PIWIL1: variants seen among roughly 807,000 people sequenced by gnomAD.
PIWIL1 encodes the protein piwi like RNA-mediated gene silencing 1, also known as piwi-like protein 1.
In PIWIL1, 73 loss-of-function variants were observed where a neutral mutation model predicts 114.4. The observed-to-expected ratio is 0.64, with a 90% CI of 0.53 to 0.78. The LOEUF (loss-of-function observed/expected upper bound fraction) is 0.78, where lower values mean the gene tolerates loss of function less well. PIWIL1 is among the 30% of genes least tolerant of loss of function. PIWIL1 has a pLI of 0.00. For missense variants in PIWIL1, 723 were observed against 1,063.1 expected (o/e 0.68, Z 4.45); for synonymous variants, 375 against 369.0 (o/e 1.02, Z -0.19).
chr12:130,346,918 G>GTT (rs755775438), intron 5 of PIWIL1, 23 bp from the exon 6 acceptor site: 7 of 1,604,470 alleles, frequency 4.4e-6, no homozygotes, highest in Non-Finnish European at 5.9e-6. Context: ...TAAAGTTTGG[G>GTT]TTTTCCACCT....
chr12:130,378,525 C>T, the PIWIL1 span, among the ~76,000 whole-genome samples: 1 of 152,174 alleles, frequency 6.6e-6, no homozygotes, highest in South Asian at 2.1e-4. Context: ...AGCATGTCTG[C>T]AACTTCATGA....
the PIWIL1 span, chr12:130,424,265 G>C: frequency 8.1e-7 from 1 of 1,231,784 alleles, no homozygotes; most frequent in Non-Finnish European, 1.0e-6. This position sits in a 1 kb window ranked among gnomAD's most constrained non-coding sequence, Gnocchi z 9.8. Flanking sequence ...GCTCGCCCCA[G>C]CCGTGCTTCC....
At chr12:130,340,665 G>T (rs1347989709) in intron 1 of PIWIL1, among the ~76,000 whole-genome samples, 1 of 147,538 alleles carries the variant, frequency 6.8e-6, no homozygotes, top group African/African-American at 2.5e-5. Context: ...GGGGGTTGGT[G>T]GTGGTGGTGG....
chr12:130,372,984 A>G (rs1311806285), downstream of PIWIL1, among the ~76,000 whole-genome samples: 1 of 152,206 alleles, frequency 6.6e-6, no homozygotes, highest in Admixed American at 6.5e-5. Context: ...CACTCAAGTC[A>G]TTTGTCTTAC....
intron 1 of PIWIL1, among the ~76,000 whole-genome samples, chr12:130,339,043 G>T (rs2072816079): frequency 6.6e-6 from 1 of 152,022 alleles, no homozygotes; most frequent in Non-Finnish European, 1.5e-5. Flanking sequence ...CCACGCGGCC[G>T]CGGGGCGCGA....
At chr12:130,422,201 T>C in the PIWIL1 span, among the ~76,000 whole-genome samples, 1 of 152,188 alleles carries the variant, frequency 6.6e-6, no homozygotes, top group Non-Finnish European at 1.5e-5. This position sits in a 1 kb window ranked among gnomAD's most constrained non-coding sequence, Gnocchi z 5.2. Flanking sequence ...CTTCAGTGCT[T>C]ACCCTGTGAA....
At chr12:130,355,724 C>A in intron 12 of PIWIL1, 57 bp downstream of exon 12, 3 of 1,216,408 alleles carry the variant, frequency 2.5e-6, no homozygotes, top group Non-Finnish European at 3.7e-6. Context: ...CTCGCTCTGT[C>A]CCCCAGGCAG....
At chr12:130,346,228 G>A in intron 4 of PIWIL1, 142 bp from the exon 5 acceptor site, 2 of 639,540 alleles carry the variant, frequency 3.1e-6, no homozygotes, top group South Asian at 4.1e-5. Flanking sequence ...GGTCTCCAAA[G>A]TCAGATGTCT....
the PIWIL1 span, chr12:130,398,959 T>C: frequency 2.8e-6 from 1 of 363,118 alleles, no homozygotes. Flanking sequence ...GACCAAGTAA[T>C]ATTCTAATTA....
At chr12:130,421,898 AAGTC>A in the PIWIL1 span, among the ~76,000 whole-genome samples, 1 of 152,260 alleles carries the variant, frequency 6.6e-6, no homozygotes, top group South Asian at 2.1e-4. Context: ...GAATTCCAAA[AAGTC>A]AGGAAGAGAA....
the PIWIL1 span, chr12:130,424,998 C>A: frequency 2.2e-6 from 1 of 445,222 alleles, no homozygotes; most frequent in Non-Finnish European, 3.7e-6. The surrounding 1 kb of genome is among the most constrained non-coding windows in gnomAD (Gnocchi z 9.8). Flanking sequence ...CTACTCAGGC[C>A]GGGGGCATGC....
chr12:130,375,186 C>T (rs7302645), downstream of PIWIL1, among the ~76,000 whole-genome samples: 151,614 of 152,306 alleles, frequency 1, 75,464 homozygotes, highest in East Asian at 1. Flanking sequence ...TGGTGCTTTC[C>T]TTCTAATTCT....
At chr12:130,354,748 C>G (rs1375795080) in intron 10 of PIWIL1, 85 bp downstream of exon 10, 1 of 1,492,418 alleles carries the variant, frequency 6.7e-7, no homozygotes. Context: ...CCTTTACTTC[C>G]CCTTCCCTCC....
At chr12:130,340,244 T>C (rs555756962) in intron 1 of PIWIL1, among the ~76,000 whole-genome samples, 12 of 152,040 alleles carry the variant, frequency 7.9e-5, no homozygotes, top group African/African-American at 2.9e-4. Context: ...GTCACGGAAT[T>C]GATAGTGATA....
At chr12:130,344,388 C>A (rs2073010930) in intron 3 of PIWIL1, among the ~76,000 whole-genome samples, 1 of 152,076 alleles carries the variant, frequency 6.6e-6, no homozygotes. Flanking sequence ...TTAGGTAGAG[C>A]CCCCTCCAAA....
In PIWIL1 at chr12:130,362,846, C is replaced by T; in HGVS notation, c.2041+10C>T. ...AAAGTCTGCCTGCAAGGTTAGTCAC[C>T]TGTGGGGTTGCCATTCTACTCTCTA... On this transcript the variant is annotated intron_variant, in intron 17 of 20. Transcript: ENST00000245255. The T allele has an allele frequency of 6.2e-7, 1 of 1,613,562 alleles. No homozygotes were observed. The highest frequency in any genetic ancestry group is 8.5e-7 in the Non-Finnish European group (1 of 1,179,594).
At chr12:130,385,913 G>C in the PIWIL1 span, among the ~76,000 whole-genome samples, 3 of 152,126 alleles carry the variant, frequency 2.0e-5, no homozygotes, top group East Asian at 3.8e-4. Context: ...TGATATTTAA[G>C]TTGCAAATCT....
the PIWIL1 span, among the ~76,000 whole-genome samples, chr12:130,402,805 C>T: frequency 6.6e-6 from 1 of 152,210 alleles, no homozygotes; most frequent in East Asian, 1.9e-4. Context: ...TGGATTATCT[C>T]CCGTACCTTA....
the PIWIL1 span, among the ~76,000 whole-genome samples, chr12:130,410,842 G>C: frequency 1.0e-3 from 157 of 152,276 alleles, no homozygotes; most frequent in African/African-American, 3.5e-3. Flanking sequence ...GGCTACTCTA[G>C]TTCCTTTGCC....
Sources: gnomAD v4.1 joint callset for allele counts (sites outside exome capture counted in the v4.1 genomes callset) on GRCh38, gnomAD v4.1.1 for gene constraint, Gnocchi (gnomAD v3.1) non-coding constraint, MANE v1.5 for transcripts, NCBI Gene and HGNC (gene_info 2026-07-23, HGNC 2026-07-21) for gene names.